Variants in SEMA5A observed in about 807,000 individuals in gnomAD.
The protein encoded by SEMA5A is semaphorin 5A.
Under a neutral mutation model 135.5 loss-of-function variants are expected in SEMA5A, and 55 were observed. That is an observed-to-expected ratio of 0.41 (90% CI 0.33 to 0.51). The LOEUF (loss-of-function observed/expected upper bound fraction) is 0.51. Among genes scored for constraint, SEMA5A ranks in the 20% least tolerant of loss-of-function variants. The probability of loss-of-function intolerance (pLI) is 0.37; values close to 1 mark genes in which losing one functional copy is unlikely to be tolerated. For missense variants in SEMA5A, 1,290 were observed against 1,419.9 expected, an observed-to-expected ratio of 0.91 and a Z score of 1.47; for synonymous variants, 580 against 546.5, an observed-to-expected ratio of 1.06 and a Z score of -0.85.
intron 3 of SEMA5A, among the ~76,000 whole-genome samples, chr5:9,350,315 C>T (rs1416667094): frequency 6.6e-6 from 1 of 152,084 alleles, no homozygotes; most frequent in Non-Finnish European, 1.5e-5. Context: ...TCTCGGGAAC[C>T]GTATTCATAA....
At chr5:9,513,672 GA>G (rs1319997425) in intron 1 of SEMA5A, among the ~76,000 whole-genome samples, 1 of 152,182 alleles carries the variant, frequency 6.6e-6, no homozygotes, top group Non-Finnish European at 1.5e-5. Flanking sequence ...AAGATTCACT[GA>G]TTCCATCTAC....
At chr5:9,451,131 T>C (rs1030956603) in intron 1 of SEMA5A, among the ~76,000 whole-genome samples, 4 of 152,232 alleles carry the variant, frequency 2.6e-5, no homozygotes, top group African/African-American at 9.6e-5. Context: ...GAGGCTGTTG[T>C]CGGTTACGCT....
intron 4 of SEMA5A, among the ~76,000 whole-genome samples, chr5:9,319,287 G>T (rs1197183662): frequency 1.3e-5 from 2 of 152,076 alleles, no homozygotes; most frequent in African/African-American, 4.8e-5. Flanking sequence ...AAAGAAACAT[G>T]AACTTGGTGG....
chr5:9,086,206 T>G (rs926957960), intron 16 of SEMA5A, among the ~76,000 whole-genome samples: 2 of 152,056 alleles, frequency 1.3e-5, no homozygotes, highest in African/African-American at 4.8e-5. Context: ...TGTGTTAAGA[T>G]TTTGGGGGAC....
At chr5:9,326,189 T>G (rs572006490) in intron 4 of SEMA5A, among the ~76,000 whole-genome samples, 1 of 152,272 alleles carries the variant, frequency 6.6e-6, no homozygotes, top group African/African-American at 2.4e-5. Context: ...GCACAGAACT[T>G]TTCAAGTATA....
chr5:9,426,373 C>G (rs1757649612), intron 2 of SEMA5A, among the ~76,000 whole-genome samples: 2 of 149,532 alleles, frequency 1.3e-5, no homozygotes, highest in South Asian at 2.1e-4. Flanking sequence ...TGCAGTGAGC[C>G]GAGATCACGC....
At chr5:9,071,483 A>G (rs547519113) in intron 16 of SEMA5A, among the ~76,000 whole-genome samples, 1 of 152,236 alleles carries the variant, frequency 6.6e-6, no homozygotes, top group Non-Finnish European at 1.5e-5. Flanking sequence ...TCTTGGGCAT[A>G]GTAACACTAT....
chr5:9,325,961 T>C lies in SEMA5A; in HGVS notation c.225-7544A>G, dbSNP rs554207695. The stretch of plus-strand genomic sequence containing the variant: ...AAGCCGATAAAATGTATAAAGACAT[T>C]TTAACAATGTTGACAGAAACGTTTG... On this transcript the variant is annotated intron_variant, in intron 4 of 22. Coordinates refer to ENST00000382496, the MANE Select transcript of SEMA5A (RefSeq NM_003966.3). 2.7e-3 allele frequency among the ~76,000 whole-genome samples: 409 copies of C among 152,270 alleles called. 1 individual carries two copies. Among genetic ancestry groups the C allele is most frequent in the African/African-American group, 9.6e-3 (397 of 41,558 alleles).
intron 5 of SEMA5A, among the ~76,000 whole-genome samples, chr5:9,272,676 A>C: frequency 6.6e-6 from 1 of 152,144 alleles, no homozygotes; most frequent in Non-Finnish European, 1.5e-5. Context: ...ACAGGCAGCA[A>C]TCTTTGCTAT....
chr5:9,492,924 C>T (rs1012890412), intron 1 of SEMA5A, among the ~76,000 whole-genome samples: 1 of 152,042 alleles, frequency 6.6e-6, no homozygotes, highest in African/African-American at 2.4e-5. Context: ...GTCTGCATGA[C>T]GTTCTGTTGG....
At chr5:9,133,784 C>CTT (rs35633508) in intron 13 of SEMA5A, among the ~76,000 whole-genome samples, 90,479 of 142,672 alleles carry the variant, frequency 0.63, 31,256 homozygotes, top group Non-Finnish European at 0.81. Context: ...TTCTTTCTTT[C>CTT]TTTTTTTTTT....
intron 15 of SEMA5A, 113 bp downstream of exon 15, chr5:9,118,885 G>T (rs906023156): frequency 7.6e-7 from 1 of 1,315,108 alleles, no homozygotes; most frequent in African/African-American, 1.5e-5. Context: ...AGCGGAAAGG[G>T]ATGCCACACA....
chr5:9,169,403 G>A (rs1743789591), intron 11 of SEMA5A, among the ~76,000 whole-genome samples: 2 of 152,154 alleles, frequency 1.3e-5, no homozygotes, highest in South Asian at 4.1e-4. Context: ...TTGCTTATTA[G>A]TCATGGAGTA....
In SEMA5A at chr5:9,039,906, A is replaced by G. The variant is rs1735868521; in HGVS notation, c.*2991T>C. The G allele has an allele frequency of 6.6e-6, 1 of 152,256 alleles. No homozygotes were observed. The highest frequency in any genetic ancestry group is 2.1e-4 in the South Asian group (1 of 4,830). 9.4% of individuals were successfully genotyped at this position (152,256 alleles called of 1,614,324 possible). On this transcript the variant is annotated 3_prime_UTR_variant, in exon 23 of 23. Coordinates refer to ENST00000382496, the MANE Select transcript of SEMA5A (RefSeq NM_003966.3). The stretch of plus-strand genomic sequence containing the variant: ...TAAACTGTCAGTGCACTGTAAAATC[A>G]ATAGTAGATGGTGATGAGTCTGGCC...
chr5:9,268,598 AC>A (rs1330855898), intron 5 of SEMA5A, among the ~76,000 whole-genome samples: 1 of 152,168 alleles, frequency 6.6e-6, no homozygotes, highest in African/African-American at 2.4e-5. Flanking sequence ...AATAAATACT[AC>A]TGCCCCCAGG....
At chr5:9,232,508 G>A (rs1235924982) in intron 6 of SEMA5A, among the ~76,000 whole-genome samples, 1 of 152,182 alleles carries the variant, frequency 6.6e-6, no homozygotes, top group African/African-American at 2.4e-5. Flanking sequence ...GTGTGTATGT[G>A]TGTGTGTATA....
At chr5:9,307,761 T>C (rs1031753589) in intron 5 of SEMA5A, among the ~76,000 whole-genome samples, 6 of 152,144 alleles carry the variant, frequency 3.9e-5, no homozygotes, top group African/African-American at 1.4e-4. Flanking sequence ...ATTTTTGACA[T>C]AGAAGGAGAA....
intron 5 of SEMA5A, among the ~76,000 whole-genome samples, chr5:9,251,489 G>T (rs1454783861): frequency 6.6e-6 from 1 of 152,094 alleles, no homozygotes; most frequent in African/African-American, 2.4e-5. Flanking sequence ...AAAATTCAAT[G>T]CTATTTTCTA....
intron 3 of SEMA5A, among the ~76,000 whole-genome samples, chr5:9,344,038 T>C (rs1167670226): frequency 2.0e-5 from 3 of 152,228 alleles, no homozygotes; most frequent in African/African-American, 7.2e-5. Context: ...GGAATAAACA[T>C]GCACATTCAT....
Sources: allele counts gnomAD v4.1 joint callset (sites outside exome capture counted in the v4.1 genomes callset), GRCh38; gene constraint gnomAD v4.1.1; transcripts MANE v1.5; gene names NCBI Gene and HGNC (gene_info 2026-07-23, HGNC 2026-07-21).